The following CSMD2 variants were observed in gnomAD, a reference collection of about 807,000 sequenced individuals.
The protein encoded by CSMD2 is CUB and Sushi multiple domains 2.
In CSMD2, 130 loss-of-function variants were observed where a neutral mutation model predicts 398.5. The observed-to-expected ratio is 0.33, with a 90% CI of 0.28 to 0.38. CSMD2 has a LOEUF of 0.38. CSMD2 is among the 10% of genes least tolerant of loss of function. The pLI is 1.00. For synonymous variants in CSMD2, 1,828 were observed against 1,908.5 expected, an observed-to-expected ratio of 0.96 and a Z score of 1.10; for missense variants, 3,829 against 4,764.9, an observed-to-expected ratio of 0.80 and a Z score of 5.78.
intron 3 of CSMD2, among the ~76,000 whole-genome samples, chr1:33,984,818 G>A: frequency 6.7e-6 from 1 of 150,084 alleles, no homozygotes; most frequent in East Asian, 2.0e-4. Context: ...GGAGAAGGGA[G>A]GGAGGGAAGG....
intron 43 of CSMD2, among the ~76,000 whole-genome samples, chr1:33,601,925 C>T (rs1640251560): frequency 6.6e-6 from 1 of 152,248 alleles, no homozygotes; most frequent in African/African-American, 2.4e-5. Context: ...TCCATCACTG[C>T]AGAAAGTTCT....
At chr1:33,594,837 T>C (rs1280578918) in intron 44 of CSMD2, among the ~76,000 whole-genome samples, 1 of 152,216 alleles carries the variant, frequency 6.6e-6, no homozygotes, top group African/African-American at 2.4e-5. Context: ...TTTTTTAGTA[T>C]CTAGCTTCCC....
intron 3 of CSMD2, among the ~76,000 whole-genome samples, chr1:33,999,889 T>C (rs1277069837): frequency 6.6e-6 from 1 of 152,220 alleles, no homozygotes; most frequent in East Asian, 1.9e-4. Flanking sequence ...AATGTTACTA[T>C]ATTTGCATAG....
chr1:33,968,174 G>T (rs1468586730), intron 3 of CSMD2, among the ~76,000 whole-genome samples: 1 of 152,120 alleles, frequency 6.6e-6, no homozygotes, highest in Non-Finnish European at 1.5e-5. Flanking sequence ...GAATCAAGCT[G>T]GTTCTTTGAG....
At chr1:33,589,607 G>A (rs925494051) in intron 44 of CSMD2, among the ~76,000 whole-genome samples, 1 of 152,134 alleles carries the variant, frequency 6.6e-6, no homozygotes, top group Non-Finnish European at 1.5e-5. Context: ...TATGTTAGAA[G>A]TTTAAATACT....
chr1:33,848,701 TA>T (rs1336933864), intron 5 of CSMD2, among the ~76,000 whole-genome samples: 2 of 152,132 alleles, frequency 1.3e-5, no homozygotes, highest in African/African-American at 4.8e-5. Context: ...ACCGCTATGG[TA>T]AAAACTATTA....
In CSMD2 at chr1:33,577,275, C is replaced by T. The variant is rs765906660; in HGVS notation, c.7576+21G>A. On this transcript the variant is annotated intron_variant, in intron 49 of 70. Coordinates refer to ENST00000373381, the MANE Select transcript of CSMD2 (RefSeq NM_001281956.2). ...GTTGGATCCGAGCTACCTTGTGACC[C>T]CCTTTCCACCTGCTTCTCACCTTGA... 14 of 1,580,166 alleles carry T rather than the reference C, an allele frequency of 8.9e-6. No homozygotes were observed. In the South Asian group the frequency reaches 1.6e-4, roughly 18 times the overall value.
chr1:33,590,595 TCACACACACACACACACACACA>T lies in CSMD2; in HGVS notation c.6857-3449_6857-3428del, dbSNP rs10611040. On this transcript the variant is annotated intron_variant, in intron 44 of 70. Coordinates refer to ENST00000373381, the MANE Select transcript of CSMD2 (RefSeq NM_001281956.2). ...ACAGACACGCCCTCCCTATTTCCCA[TCACACACACACACACACACACA>T]CACACACACACACACACATATACTC... 1.9e-4 allele frequency among the ~76,000 whole-genome samples: 26 copies of T among 137,728 alleles called. 1 individual carries two copies. The South Asian group carries it at 5.6e-3, about 30-fold the overall frequency. 90.4% of individuals were successfully genotyped at this position (137,728 alleles called of 152,430 possible).
At chr1:34,127,120 G>A (rs1436377792) in intron 1 of CSMD2, among the ~76,000 whole-genome samples, 1 of 152,050 alleles carries the variant, frequency 6.6e-6, no homozygotes, top group Non-Finnish European at 1.5e-5. Flanking sequence ...GGCAACGAGG[G>A]CATGACCCAG....
At chr1:33,576,317 G>A (rs1193391823) in intron 49 of CSMD2, among the ~76,000 whole-genome samples, 6 of 152,152 alleles carry the variant, frequency 3.9e-5, no homozygotes, top group Admixed American at 1.3e-4. Context: ...GAGTCCAGGC[G>A]CGGTGGCTCA....
chr1:33,521,349 A>T (rs1654263477), intron 68 of CSMD2, 114 bp downstream of exon 68: 12 of 743,242 alleles, frequency 1.6e-5, no homozygotes, highest in Non-Finnish European at 4.8e-6. Context: ...AAAGAGGCCA[A>T]AGCACCCCCG....
At chr1:33,794,954 C>G (rs1342031835) in intron 10 of CSMD2, among the ~76,000 whole-genome samples, 1 of 151,146 alleles carries the variant, frequency 6.6e-6, no homozygotes, top group Non-Finnish European at 1.5e-5. Context: ...GTAGCAAGGT[C>G]TAGGTGAGGC....
In CSMD2 at chr1:33,663,031, G is replaced by A. The variant is rs1644191277; in HGVS notation, c.4114C>T (p.Pro1372Ser). 1.9e-6 allele frequency: 3 copies of A among 1,614,178 alleles called. No homozygotes were observed. In the East Asian group the frequency reaches 6.7e-5, roughly 36 times the overall value. The change falls in exon 26 of 71, where the codon CCT becomes TCT. Residue 1372 changes from proline to serine, a missense_variant. Physicochemically the swap from Pro to Ser is moderately conservative, Grantham distance 74. Coordinates refer to ENST00000373381, the MANE Select transcript of CSMD2 (RefSeq NM_001281956.2). ...VHDVLRIWDG[P>S]VESGVLLKEL... Reference sequence around the variant, plus strand: ...TTCAGCAGAACCCCGCTCTCCACAGGCCCATCCCAGATGCGCAGCACGTCG... The same window carrying A: ...TTCAGCAGAACCCCGCTCTCCACAGACCCATCCCAGATGCGCAGCACGTCG...
At chr1:33,913,391 G>T (rs1044853749) in intron 5 of CSMD2, among the ~76,000 whole-genome samples, 20 of 152,160 alleles carry the variant, frequency 1.3e-4, no homozygotes, top group African/African-American at 4.8e-4. Context: ...CACTGGGCTG[G>T]AAAGCTCATA....
chr1:33,616,855 T>C (rs1641424399), intron 39 of CSMD2, 51 bp downstream of exon 39: 4 of 1,433,238 alleles, frequency 2.8e-6, no homozygotes, highest in Non-Finnish European at 3.9e-6. Flanking sequence ...TGAGCTAAGA[T>C]CCCTGAGAGA....
chr1:33,994,246 C>T (rs2884535), intron 3 of CSMD2, among the ~76,000 whole-genome samples: 34 of 152,032 alleles, frequency 2.2e-4, no homozygotes, highest in South Asian at 4.2e-4. Context: ...TTGGATCCAG[C>T]GGGGTATGCT....
chr1:33,695,659 C>T (rs1228380790), intron 24 of CSMD2, among the ~76,000 whole-genome samples: 2 of 152,244 alleles, frequency 1.3e-5, no homozygotes, highest in Admixed American at 6.5e-5. Context: ...GTTGCCCACG[C>T]TCTAGGCAGT....
At chr1:33,888,756 T>TTGTTGTTGTTG (rs1553244526) in intron 5 of CSMD2, among the ~76,000 whole-genome samples, 32 of 148,938 alleles carry the variant, frequency 2.1e-4, no homozygotes, top group Non-Finnish European at 1.2e-4. Flanking sequence ...TCAACTGATT[T>TTGTTGTTGTTG]TTGTTGTTGT....
intron 3 of CSMD2, among the ~76,000 whole-genome samples, chr1:33,949,146 C>T (rs1644926588): frequency 6.6e-6 from 1 of 152,220 alleles, no homozygotes; most frequent in Non-Finnish European, 1.5e-5. Context: ...AATAATCGCA[C>T]CCAGCTTAGA....
Sources: allele counts gnomAD v4.1 joint callset (sites outside exome capture counted in the v4.1 genomes callset), GRCh38; gene constraint gnomAD v4.1.1; transcripts MANE v1.5; gene names NCBI Gene and HGNC (gene_info 2026-07-23, HGNC 2026-07-21).